The following PDZRN4 variants were observed in gnomAD, a reference collection of about 807,000 sequenced individuals.
PDZRN4 encodes the protein PDZ domain containing ring finger 4, also known as PDZ domain-containing RING finger protein 4.
Under a neutral mutation model 99.0 loss-of-function variants are expected in PDZRN4, and 70 were observed. The ratio of observed to expected loss-of-function variants is 0.71; its 90% CI spans 0.58 to 0.86. PDZRN4 has a LOEUF of 0.86. Among genes scored for constraint, PDZRN4 ranks in the 40% least tolerant of loss-of-function variants. PDZRN4 has a pLI of 0.00. For synonymous variants in PDZRN4, 551 were observed against 501.6 expected (o/e 1.10, Z -1.32); for missense variants, 1,474 against 1,331.2 (o/e 1.11, Z -1.67).
At chr12:41,334,827 G>C (rs1485385443) in intron 3 of PDZRN4, among the ~76,000 whole-genome samples, 2 of 152,022 alleles carry the variant, frequency 1.3e-5, no homozygotes, top group East Asian at 3.9e-4. Context: ...GGTTAAATTT[G>C]TCAGCATCCC....
In PDZRN4 at chr12:41,317,048, G is replaced by GTATACATA. The variant is rs374645706; in HGVS notation, c.843+122864_843+122865insCATATATA. On this transcript the variant is annotated intron_variant, in intron 3 of 9. Transcript: ENST00000402685. ...TCCAGAGAATCATAACTTACATAAA[G>GTATACATA]TATATATATATATATATATATATAT... 5.8e-3 allele frequency among the ~76,000 whole-genome samples: 402 copies of GTATACATA among 69,584 alleles called. 16 individuals carry two copies. The highest frequency in any genetic ancestry group is 0.013 in the African/African-American group (363 of 27,386). The allele number at this position is 69,584 out of a possible 152,430, so 45.6% of individuals were successfully genotyped here.
intron 5 of PDZRN4, among the ~76,000 whole-genome samples, chr12:41,511,743 G>A (rs1938307762): frequency 6.6e-6 from 1 of 152,180 alleles, no homozygotes; most frequent in African/African-American, 2.4e-5. Flanking sequence ...CACACATAGA[G>A]TGGCACATGC....
intron 3 of PDZRN4, among the ~76,000 whole-genome samples, chr12:41,313,090 C>A (rs1397866190): frequency 6.6e-6 from 1 of 152,130 alleles, no homozygotes; most frequent in East Asian, 1.9e-4. Flanking sequence ...ATTATTCATA[C>A]CATCTTCCAA....
chr12:41,474,681 A>G (rs148218185), intron 3 of PDZRN4, among the ~76,000 whole-genome samples: 135 of 152,260 alleles, frequency 8.9e-4, no homozygotes, highest in African/African-American at 3.2e-3. Context: ...TAAATACTTC[A>G]ATGGGAAGTC....
At chr12:41,322,197 A>AC (rs1555129538) in intron 3 of PDZRN4, among the ~76,000 whole-genome samples, 1 of 151,726 alleles carries the variant, frequency 6.6e-6, no homozygotes, top group Admixed American at 6.6e-5. Context: ...ACACCCAGCT[A>AC]TTTTTTTGCT....
chr12:41,472,396 C>T (rs774239604), intron 3 of PDZRN4, among the ~76,000 whole-genome samples: 2 of 152,088 alleles, frequency 1.3e-5, no homozygotes, highest in Non-Finnish European at 2.9e-5. Flanking sequence ...AACTAGATAC[C>T]CTTTTATAGA....
chr12:41,233,864 C>T (rs1951047550), intron 3 of PDZRN4, among the ~76,000 whole-genome samples: 1 of 151,854 alleles, frequency 6.6e-6, no homozygotes, highest in Non-Finnish European at 1.5e-5. Context: ...GGGTGCAGCA[C>T]ACCAACATGG....
intron 3 of PDZRN4, among the ~76,000 whole-genome samples, chr12:41,418,768 C>T (rs1952466090): frequency 6.6e-6 from 1 of 152,084 alleles, no homozygotes; most frequent in Middle Eastern, 3.2e-3. Context: ...TTTCCCTGAG[C>T]ACATTCACCA....
At chr12:41,371,819 C>G (rs1169069260) in intron 3 of PDZRN4, among the ~76,000 whole-genome samples, 1 of 152,024 alleles carries the variant, frequency 6.6e-6, no homozygotes, top group Non-Finnish European at 1.5e-5. Context: ...TTCTAGGAGA[C>G]CTCCTTTGTT....
chr12:41,334,146 A>G (rs1033299925), intron 3 of PDZRN4, among the ~76,000 whole-genome samples: 1 of 152,174 alleles, frequency 6.6e-6, no homozygotes, highest in African/African-American at 2.4e-5. Flanking sequence ...TTGCCTCTTC[A>G]TTAGCATTTG....
At chr12:41,536,953 T>A (rs964527692) in intron 5 of PDZRN4, among the ~76,000 whole-genome samples, 1 of 152,162 alleles carries the variant, frequency 6.6e-6, no homozygotes, top group African/African-American at 2.4e-5. Context: ...AATATGAAAC[T>A]TCTATGTTTT....
chr12:41,504,136 G>C (rs758228251), intron 3 of PDZRN4, among the ~76,000 whole-genome samples: 31 of 152,208 alleles, frequency 2.0e-4, no homozygotes, highest in Non-Finnish European at 3.8e-4. Context: ...TGGCATGGTG[G>C]CATGCGCCTG....
At chr12:41,245,040 C>A (rs922422223) in intron 3 of PDZRN4, among the ~76,000 whole-genome samples, 1 of 152,136 alleles carries the variant, frequency 6.6e-6, no homozygotes, top group East Asian at 1.9e-4. Context: ...TCCAATGGCA[C>A]CTTATCAGGG....
chr12:41,528,498 G>A (rs1938608692), intron 5 of PDZRN4, among the ~76,000 whole-genome samples: 1 of 152,112 alleles, frequency 6.6e-6, no homozygotes, highest in Non-Finnish European at 1.5e-5. Context: ...GCAACAGCAG[G>A]ACTTAGGTCT....
chr12:41,526,601 T>G (rs996396292), intron 5 of PDZRN4, among the ~76,000 whole-genome samples: 2 of 152,204 alleles, frequency 1.3e-5, no homozygotes, highest in Non-Finnish European at 2.9e-5. Flanking sequence ...GAAGAAATTT[T>G]TGCAAAATAT....
chr12:41,318,565 C>A (rs1434157302), intron 3 of PDZRN4, among the ~76,000 whole-genome samples: 1 of 152,156 alleles, frequency 6.6e-6, no homozygotes, highest in Non-Finnish European at 1.5e-5. Context: ...GATGTAGGGA[C>A]CCCCTAGCCA....
rs559215950 is a variant in PDZRN4, at chr12:41,303,506, C to A, written c.843+109318C>A. ...AAGATGATGTTTAGAAATAAAAATA[C>A]TGAAGAACTCGCCTCTTTCCTCTGG... On this transcript the variant is annotated intron_variant, in intron 3 of 9. Transcript: ENST00000402685. 2.0e-5 allele frequency among the ~76,000 whole-genome samples: 3 copies of A among 152,288 alleles called. No homozygotes were observed. In the South Asian group the frequency reaches 6.2e-4, roughly 32 times the overall value.
chr12:41,465,468 A>C (rs2608714), intron 3 of PDZRN4, among the ~76,000 whole-genome samples: 82,746 of 151,968 alleles, frequency 0.54, 23,527 homozygotes, highest in African/African-American at 0.73. Context: ...AATTGGTTGG[A>C]CAAAGAAAAG....
At chr12:41,493,378 G>T (rs1280645693) in intron 3 of PDZRN4, among the ~76,000 whole-genome samples, 1 of 152,108 alleles carries the variant, frequency 6.6e-6, no homozygotes. Flanking sequence ...ACAAAACTGT[G>T]CCCTTCTCCC....
Sources: gnomAD v4.1 joint callset for allele counts (sites outside exome capture counted in the v4.1 genomes callset) on GRCh38, gnomAD v4.1.1 for gene constraint, MANE v1.5 for transcripts, NCBI Gene and HGNC (gene_info 2026-07-23, HGNC 2026-07-21) for gene names.